The following DEDD2 variants were observed in gnomAD, a reference collection of about 807,000 sequenced individuals.
DEDD2 encodes the protein DNA-binding death effector domain-containing protein 2.
A neutral mutation model predicts 28.9 loss-of-function variants in DEDD2; 18 were observed. The observed-to-expected ratio is 0.62, with a 90% CI of 0.43 to 0.92. The LOEUF is 0.92. Among genes scored for constraint, DEDD2 ranks in the 40% least tolerant of loss-of-function variants. DEDD2 has a pLI of 0.00. For missense variants in DEDD2, 411 were observed against 463.3 expected (o/e 0.89, Z 1.04); for synonymous variants, 211 against 206.1 (o/e 1.02, Z -0.20).
At position 42,216,815 on chromosome 19, in the gene DEDD2, C is replaced by G; in HGVS notation, c.193G>C (p.Gly65Arg). The part of the protein sequence containing the change: ...AAGGLARARS[G>R]LELLLELERR... ...TCCAGCTCCAGCAGGAGCTCTAGGC[C>G]GCTGCGGGCCCGGGCTAAGCCTCCG... is the stretch of plus-strand genomic sequence containing the variant. Residue 65 changes from glycine (G) to arginine (R), a missense_variant, in exon 2 of 5, where the codon GGC becomes CGC. Gly to Arg is a moderately radical substitution (Grantham distance 125, BLOSUM62 -2). Coordinates refer to ENST00000596251, the MANE Select transcript of DEDD2 (RefSeq NM_133328.4). 1 of 1,582,518 alleles carries G rather than the reference C, an allele frequency of 6.3e-7. No homozygotes were observed.
chr19:42,203,066 C>A (rs1287838496), intron 4 of DEDD2, among the ~76,000 whole-genome samples: 2 of 152,148 alleles, frequency 1.3e-5, no homozygotes, highest in Non-Finnish European at 2.9e-5. Context: ...TCCCTTTCTG[C>A]AGATGGGGAA....
chr19:42,208,708 A>C (rs1444928854), intron 4 of DEDD2, among the ~76,000 whole-genome samples: 1 of 152,056 alleles, frequency 6.6e-6, no homozygotes, highest in Non-Finnish European at 1.5e-5. Flanking sequence ...GGCACTTATC[A>C]TTGTCTAAAA....
upstream of DEDD2, among the ~76,000 whole-genome samples, chr19:42,219,347 TC>T (rs1192319053): frequency 2.0e-5 from 3 of 151,708 alleles, no homozygotes; most frequent in African/African-American, 7.3e-5. Context: ...ACGCCTGTAA[TC>T]CCAGCACTTT....
Position 42,209,697 on chromosome 19 carries a change from T to C in DEDD2, c.589+3A>G, listed in dbSNP as rs555422797. The C allele has an allele frequency of 8.1e-5, 131 of 1,608,486 alleles. 1 individual carries two copies. The South Asian group carries it at 1.3e-3, about 16-fold the overall frequency. On this transcript the variant is annotated splice_donor_region_variant and intron_variant, in intron 4 of 4. Transcript: ENST00000596251. Reference sequence around the variant, plus strand: ...TGCATTGCCAAAGCCTACAGACACCTACCACAGGTCACTTTGCCTTCAGAG... The same window carrying C: ...TGCATTGCCAAAGCCTACAGACACCCACCACAGGTCACTTTGCCTTCAGAG...
At chr19:42,214,958 C>G (rs1393671789) in intron 3 of DEDD2, among the ~76,000 whole-genome samples, 175 bp downstream of exon 3, 1 of 151,800 alleles carries the variant, frequency 6.6e-6, no homozygotes, top group Admixed American at 6.6e-5. Flanking sequence ...CTATGTGCAA[C>G]AATTCTGTAT....
Position 42,212,252 on chromosome 19 carries a change from G to A in DEDD2, c.449-2412C>T, listed in dbSNP as rs148521092. Among the ~76,000 whole-genome samples the A allele has an allele frequency of 3.0e-3, 456 of 151,764 alleles. 2 individuals are homozygous for A. Among genetic ancestry groups the A allele is most frequent in the Admixed American group, 7.7e-3 (117 of 15,248 alleles). On this transcript the variant is annotated intron_variant, in intron 3 of 4. Coordinates refer to ENST00000596251, the MANE Select transcript of DEDD2 (RefSeq NM_133328.4). Reference sequence around the variant, plus strand: ...ATGGTGGTGTGTACCTGTAGTCCCCGCTACTCAGGAGGCTGAGGCAGGAGG... The same window carrying A: ...ATGGTGGTGTGTACCTGTAGTCCCCACTACTCAGGAGGCTGAGGCAGGAGG...
At chr19:42,215,392 G>A in intron 2 of DEDD2, 140 bp from the exon 3 acceptor site, 1 of 1,059,824 alleles carries the variant, frequency 9.4e-7, no homozygotes, top group Admixed American at 2.4e-5. Context: ...AACACCTCCT[G>A]CAGAGGTTGC....
At chr19:42,211,762 GTGC>G (rs2035774998) in intron 3 of DEDD2, 1 of 151,986 alleles carries the variant, frequency 6.6e-6, no homozygotes, top group Non-Finnish European at 1.5e-5. Context: ...CTGGGGCTGG[GTGC>G]AGTGGCTAAC....
chr19:42,199,133 G>T lies in DEDD2; in HGVS notation c.*305C>A. 2.3e-6 allele frequency: 1 copy of T among 426,688 alleles called. No individual in the cohort carries two copies. Among genetic ancestry groups the T allele is most frequent in the Non-Finnish European group, 4.3e-6 (1 of 235,222 alleles). 26.4% of individuals were successfully genotyped at this position (426,688 alleles called of 1,614,324 possible). A position where few individuals can be genotyped will look rare whatever the true frequency, so the allele number is the denominator to read the frequency against. On this transcript the variant is annotated 3_prime_UTR_variant, in exon 5 of 5. Transcript: ENST00000596251. The surrounding 1 kb of genome is among the most constrained non-coding windows in gnomAD (Gnocchi z 7.4). ...CCAAGATCAGAGATACAATGTGCAG[G>T]GGGGCCTTTGGTGAGTGTGTAGCTG...
chr19:42,216,671 C>T lies in DEDD2; in HGVS notation c.328+9G>A. Reference sequence around the variant, plus strand: ...CCAGGAAGTGTGACACCCTCCCATTCAACCGTACCTGGCCGGCGCCGCTTG... The same window carrying T: ...CCAGGAAGTGTGACACCCTCCCATTTAACCGTACCTGGCCGGCGCCGCTTG... On this transcript the variant is annotated intron_variant, in intron 2 of 4. Transcript: ENST00000596251. The T allele has an allele frequency of 1.9e-6, 3 of 1,554,352 alleles. No homozygotes were observed. The highest frequency in any genetic ancestry group is 2.6e-6 in the Non-Finnish European group (3 of 1,156,722).
In DEDD2 at chr19:42,215,905, A is replaced by C. The variant is rs553744337; in HGVS notation, c.329-653T>G. 2.0e-5 allele frequency among the ~76,000 whole-genome samples: 3 copies of C among 152,274 alleles called. No individual in the cohort carries two copies. In the South Asian group the frequency reaches 6.2e-4, roughly 32 times the overall value. ...TCTGGGGACAAGTTGGCTAGGTTTG[A>C]ATCCTGGCTCCCACACTTCCCAGCT... On this transcript the variant is annotated intron_variant, in intron 2 of 4. Transcript: ENST00000596251.
chr19:42,216,604 C>T, intron 2 of DEDD2, 76 bp downstream of exon 2: 1 of 1,422,264 alleles, frequency 7.0e-7, no homozygotes, highest in Non-Finnish European at 9.3e-7. Context: ...CTGTCCGTAT[C>T]AGGGCACCAG....
In DEDD2 at chr19:42,199,771, G is replaced by A. The variant is rs199554452; in HGVS notation, c.648C>T (p.Gly216=). ...GCGCCTGGGGCCGCCGGGATGCCAC[G>A]CCCTGCTCCAAGGCTGGCCCATGCT... ...YCEHGPALEQ[G]VASRRPQALA... Residue 216 remains glycine, a synonymous_variant, in exon 5 of 5, where the codon GGC becomes GGT. Coordinates refer to ENST00000596251, the MANE Select transcript of DEDD2 (RefSeq NM_133328.4). This position sits in a 1 kb window ranked among gnomAD's most constrained non-coding sequence, Gnocchi z 7.4. 49 of 1,610,200 alleles carry A rather than the reference G, an allele frequency of 3.0e-5. No homozygotes were observed. The Admixed American group carries it at 4.9e-4, about 16-fold the overall frequency.
intron 3 of DEDD2, among the ~76,000 whole-genome samples, chr19:42,213,047 C>G (rs2035829843): frequency 6.6e-6 from 1 of 152,190 alleles, no homozygotes; most frequent in Non-Finnish European, 1.5e-5. Flanking sequence ...ACAGCTGATT[C>G]TAGGGTGCGG....
intron 3 of DEDD2, among the ~76,000 whole-genome samples, chr19:42,212,357 C>T (rs1007290545): frequency 1.3e-5 from 2 of 151,790 alleles, no homozygotes; most frequent in Non-Finnish European, 2.9e-5. Flanking sequence ...CAGAGTGAGA[C>T]TCCATCTCAA....
intron 3 of DEDD2, among the ~76,000 whole-genome samples, 156 bp downstream of exon 3, chr19:42,214,977 A>C (rs2035905780): frequency 6.6e-6 from 1 of 150,548 alleles, no homozygotes; most frequent in African/African-American, 2.5e-5. Flanking sequence ...ATGTTGCTTC[A>C]GAACAGAGTA....
rs765983485 is a variant in DEDD2 at position 42,209,833 on chromosome 19, G to C, written c.456C>G (p.Pro152=). Residue 152 remains proline, a synonymous_variant, in exon 4 of 5, where the codon CCC becomes CCG. Coordinates refer to ENST00000596251, the MANE Select transcript of DEDD2 (RefSeq NM_133328.4). ...SQQGQWETGS[P]PTKRQRRSRG... ...GACTCCGCCGCTGCCGCTTGGTTGG[G>C]GGGGAGCCTGAGGGGAAAAAAATGG... The C allele has an allele frequency of 2.1e-5, 32 of 1,534,312 alleles. No individual in the cohort carries two copies. Among genetic ancestry groups the C allele is most frequent in the Non-Finnish European group, 2.7e-5 (31 of 1,141,956 alleles).
rs911996249 is a variant in DEDD2 at position 42,215,572 on chromosome 19, G to A, written c.329-320C>T. On this transcript the variant is annotated intron_variant, in intron 2 of 4. Transcript: ENST00000596251. Reference sequence around the variant, plus strand: ...CCAGCTCTCCCCAAGGAGTAAGCAGGCCTCTGTGCAGGCTCCCCAAATCTT... The same window carrying A: ...CCAGCTCTCCCCAAGGAGTAAGCAGACCTCTGTGCAGGCTCCCCAAATCTT... Among the ~76,000 whole-genome samples the A allele has an allele frequency of 5.9e-5, 9 of 152,254 alleles. No individual in the cohort carries two copies. In the East Asian group the frequency reaches 1.5e-3, roughly 26 times the overall value.
chr19:42,206,616 G>A (rs1453524004), intron 4 of DEDD2, among the ~76,000 whole-genome samples: 2 of 152,140 alleles, frequency 1.3e-5, no homozygotes, highest in Non-Finnish European at 2.9e-5. Context: ...ATTCAGGGCC[G>A]AGTAGTGCCC....
Sources: allele counts gnomAD v4.1 joint callset (sites outside exome capture counted in the v4.1 genomes callset), GRCh38; gene constraint gnomAD v4.1.1; non-coding constraint Gnocchi (gnomAD v3.1); transcripts MANE v1.5; gene names NCBI Gene and HGNC (gene_info 2026-07-23, HGNC 2026-07-21).